PUM1: variants seen among roughly 807,000 people sequenced by gnomAD.
The protein encoded by PUM1 is pumilio homolog 1.
A neutral mutation model predicts 131.8 loss-of-function variants in PUM1; 13 were observed. The ratio of observed to expected loss-of-function variants is 0.10; its 90% CI spans 0.06 to 0.16. The LOEUF (loss-of-function observed/expected upper bound fraction) is 0.16, where lower values mean the gene tolerates loss of function less well. Among genes scored for constraint, PUM1 ranks in the 10% least tolerant of loss-of-function variants. PUM1 has a pLI of 1.00. For missense variants in PUM1, 961 were observed against 1,512.4 expected (o/e 0.64, Z 6.05); for synonymous variants, 509 against 556.5 (o/e 0.91, Z 1.20).
chr1:30,989,487 G>A (rs772338152), intron 7 of PUM1, among the ~76,000 whole-genome samples: 14 of 140,672 alleles, frequency 1.0e-4, no homozygotes, highest in East Asian at 2.3e-4. Context: ...CAGGAGAATC[G>A]CTTGAACCCA....
At chr1:30,970,024 T>C (rs1225930181) in intron 10 of PUM1, among the ~76,000 whole-genome samples, 1 of 152,112 alleles carries the variant, frequency 6.6e-6, no homozygotes, top group African/African-American at 2.4e-5. Flanking sequence ...ATTATTATTC[T>C]GAATGATGTG....
rs1362653228 is a variant in PUM1 at position 30,932,738 on chromosome 1, TTTTG to T, written c.*469_*472del. ...ATTCAAACTTCTCAGGTTTTTTTGTTTTTGTTTGTTTTTTACTAAAATGAGGAGG... is the reference window on the plus strand; with the variant it reads ...ATTCAAACTTCTCAGGTTTTTTTGTTTTTGTTTTTTACTAAAATGAGGAGG... On this transcript the variant is annotated 3_prime_UTR_variant, in exon 22 of 22. Coordinates refer to ENST00000426105, the MANE Select transcript of PUM1 (RefSeq NM_001020658.2). The T allele has an allele frequency of 6.6e-6, 1 of 150,658 alleles. No homozygotes were observed. The highest frequency in any genetic ancestry group is 1.5e-5 in the Non-Finnish European group (1 of 67,636). 9.3% of individuals were successfully genotyped at this position (150,658 alleles called of 1,614,324 possible).
intron 17 of PUM1, among the ~76,000 whole-genome samples, chr1:30,946,730 A>G (rs748965647): frequency 1.3e-5 from 2 of 151,542 alleles, no homozygotes; most frequent in Admixed American, 6.6e-5. Context: ...TTGAAAAATC[A>G]TAAGTCAGGG....
Position 30,933,439 on chromosome 1 carries a change from T to TATAC in PUM1, c.3436-98_3436-97insGTAT, listed in dbSNP as rs1278967697. On this transcript the variant is annotated intron_variant, in intron 21 of 21. Coordinates refer to ENST00000426105, the MANE Select transcript of PUM1 (RefSeq NM_001020658.2). ...TTGCATGTCATGCATCACACACACA[T>TATAC]ACACACACACACACACACACACACA... The TATAC allele has an allele frequency of 1.1e-5, 4 of 363,982 alleles. No individual in the cohort carries two copies. The Admixed American group carries it at 1.3e-4, about 12-fold the overall frequency. The allele number at this position is 363,982 out of a possible 1,614,324, so 22.5% of individuals were successfully genotyped here.
intron 18 of PUM1, among the ~76,000 whole-genome samples, chr1:30,943,874 AT>A (rs1168692961): frequency 1.3e-5 from 2 of 152,082 alleles, no homozygotes; most frequent in Non-Finnish European, 2.9e-5. Context: ...GGAACTGAGT[AT>A]TTTTTCATGT....
At chr1:31,025,034 G>A (rs1643171542) in intron 3 of PUM1, among the ~76,000 whole-genome samples, 1 of 152,146 alleles carries the variant, frequency 6.6e-6, no homozygotes, top group Admixed American at 6.5e-5. Flanking sequence ...GGCTAACAAG[G>A]AAAGTAGACA....
At chr1:30,971,410 T>C (rs1399375548) in intron 10 of PUM1, among the ~76,000 whole-genome samples, 1 of 152,202 alleles carries the variant, frequency 6.6e-6, no homozygotes, top group Non-Finnish European at 1.5e-5. Flanking sequence ...AACTTCTTAG[T>C]AGGGTTTGAC....
At chr1:31,039,347 C>T (rs977400524) in intron 2 of PUM1, among the ~76,000 whole-genome samples, 1 of 151,578 alleles carries the variant, frequency 6.6e-6, no homozygotes, top group Admixed American at 6.6e-5. Context: ...CTCAGCCTCC[C>T]GAGTAGCTGG....
chr1:31,032,965 G>A (rs189475795), intron 2 of PUM1, among the ~76,000 whole-genome samples: 3 of 152,056 alleles, frequency 2.0e-5, no homozygotes, highest in Admixed American at 1.3e-4. Context: ...AATTAGCTGG[G>A]CGTGATGGCG....
At chr1:31,035,164 C>A (rs1244924947) in intron 2 of PUM1, among the ~76,000 whole-genome samples, 1 of 152,090 alleles carries the variant, frequency 6.6e-6, no homozygotes, top group Non-Finnish European at 1.5e-5. Context: ...ACACAGGAGG[C>A]TGAGGTAAGT....
intron 1 of PUM1, among the ~76,000 whole-genome samples, chr1:31,065,120 G>A (rs866473037): frequency 2.0e-5 from 3 of 152,192 alleles, no homozygotes; most frequent in Non-Finnish European, 1.5e-5. Context: ...AATCTCGCCT[G>A]TGGACAAGGG....
At chr1:30,938,868 CATAG>C (rs979739232) in intron 20 of PUM1, among the ~76,000 whole-genome samples, 5 of 150,874 alleles carry the variant, frequency 3.3e-5, no homozygotes, top group African/African-American at 7.4e-5. Flanking sequence ...CCATCTCATT[CATAG>C]ATAGAGATAG....
At chr1:31,000,499 T>C (rs993168373) in intron 5 of PUM1, among the ~76,000 whole-genome samples, 2 of 152,172 alleles carry the variant, frequency 1.3e-5, no homozygotes, top group African/African-American at 4.8e-5. Flanking sequence ...GAACTATATA[T>C]TGTTGAGGTC....
chr1:31,028,583 T>C (rs1643303791), intron 3 of PUM1, among the ~76,000 whole-genome samples: 1 of 152,234 alleles, frequency 6.6e-6, no homozygotes. Context: ...GCTACTTTGT[T>C]TTGCTTTTAA....
chr1:30,986,583 G>T (rs1222046263), intron 7 of PUM1, among the ~76,000 whole-genome samples: 1 of 151,906 alleles, frequency 6.6e-6, no homozygotes, highest in Non-Finnish European at 1.5e-5. Context: ...ATCATCATCT[G>T]TGCATTTCTT....
intron 5 of PUM1, among the ~76,000 whole-genome samples, chr1:31,002,797 A>T (rs967465147): frequency 6.6e-6 from 1 of 152,248 alleles, no homozygotes; most frequent in African/African-American, 2.4e-5. Flanking sequence ...AGAACAAAAT[A>T]TGGTTGCCAG....
chr1:30,978,144 T>C (rs184084939), intron 9 of PUM1, among the ~76,000 whole-genome samples: 24 of 151,460 alleles, frequency 1.6e-4, no homozygotes, highest in Admixed American at 9.9e-4. Flanking sequence ...ATTCAGGAGG[T>C]TGAGGTAGGA....
chr1:30,980,136 T>C lies in PUM1; in HGVS notation c.1280A>G (p.Asn427Ser), dbSNP rs949546439. The change falls in exon 9 of 22, where the codon AAT becomes AGT. Residue 427 changes from asparagine (N) to serine (S), a missense_variant. Transcript: ENST00000426105. ...GGGAGCAGCGCTGATGATGTATGGATTGGGGACAAACGCAGCGGGAGCTAA... is the reference window on the plus strand; with the variant it reads ...GGGAGCAGCGCTGATGATGTATGGACTGGGGACAAACGCAGCGGGAGCTAA... ...IGLAPAAFVP[N>S]PYIISAAPPG... is the part of the protein sequence containing the mutation. The C allele has an allele frequency of 1.2e-5, 20 of 1,613,866 alleles. No homozygotes were observed. The highest frequency in any genetic ancestry group is 1.6e-4 in the Middle Eastern group (1 of 6,082).
At chr1:31,065,187 G>T (rs1203287675) in intron 1 of PUM1, among the ~76,000 whole-genome samples, 1 of 152,138 alleles carries the variant, frequency 6.6e-6, no homozygotes, top group Non-Finnish European at 1.5e-5. Flanking sequence ...TGCCACGGAA[G>T]CTCAAGAAGT....
Sources: gnomAD v4.1 joint callset for allele counts (sites outside exome capture counted in the v4.1 genomes callset) on GRCh38, gnomAD v4.1.1 for gene constraint, MANE v1.5 for transcripts, NCBI Gene and HGNC (gene_info 2026-07-23, HGNC 2026-07-21) for gene names.